The following KAZN variants were observed in gnomAD, a reference collection of about 807,000 sequenced individuals.
KAZN encodes the protein kazrin.
In KAZN, 40 loss-of-function variants were observed where a neutral mutation model predicts 87.4. The observed-to-expected ratio is 0.46, with a 90% CI of 0.36 to 0.60. The LOEUF is 0.60. Among genes scored for constraint, KAZN ranks in the 20% least tolerant of loss-of-function variants. The probability of loss-of-function intolerance (pLI) is 0.00; values close to 1 mark genes in which losing one functional copy is unlikely to be tolerated. For synonymous variants in KAZN, 466 were observed against 458.3 expected, an observed-to-expected ratio of 1.02 and a Z score of -0.22; for missense variants, 898 against 1,073.9, an observed-to-expected ratio of 0.84 and a Z score of 2.29.
chr1:15,018,144 T>C (rs1401685203), intron 2 of KAZN, among the ~76,000 whole-genome samples: 2 of 152,184 alleles, frequency 1.3e-5, no homozygotes, highest in Non-Finnish European at 2.9e-5. Context: ...AAGTCTAAAG[T>C]GTGTACGTCT....
intron 1 of KAZN, among the ~76,000 whole-genome samples, chr1:14,761,818 G>C (rs1644747066): frequency 6.6e-6 from 1 of 151,580 alleles, no homozygotes; most frequent in Admixed American, 6.6e-5. Context: ...GGTGCTGTCT[G>C]AACGTGGCAC....
chr1:14,558,942 T>G (rs895991750), intron 2 of KAZN, among the ~76,000 whole-genome samples: 3 of 152,154 alleles, frequency 2.0e-5, no homozygotes, highest in Non-Finnish European at 4.4e-5. Flanking sequence ...CATTTCACCT[T>G]TCTCATCTTT....
chr1:14,884,074 C>G (rs1159101807), intron 1 of KAZN, among the ~76,000 whole-genome samples: 1 of 152,134 alleles, frequency 6.6e-6, no homozygotes, highest in Non-Finnish European at 1.5e-5. Flanking sequence ...AACTACATCA[C>G]TCATCTAGGG....
intron 1 of KAZN, among the ~76,000 whole-genome samples, chr1:14,667,425 C>T (rs1028323874): frequency 1.3e-5 from 2 of 152,202 alleles, no homozygotes; most frequent in Non-Finnish European, 2.9e-5. Context: ...CTTGAGCACA[C>T]AGAAGTTGAG....
chr1:14,038,935 G>T (rs139063122), intron 1 of KAZN, among the ~76,000 whole-genome samples: 3 of 152,276 alleles, frequency 2.0e-5, no homozygotes, highest in African/African-American at 7.2e-5. Flanking sequence ...GGAGGCTGAG[G>T]CAGGTGGATC....
intron 1 of KAZN, among the ~76,000 whole-genome samples, chr1:14,144,661 T>G (rs1440717954): frequency 1.3e-5 from 2 of 152,198 alleles, no homozygotes; most frequent in Non-Finnish European, 2.9e-5. Flanking sequence ...AAGAGGTTAC[T>G]TGGCTTATGA....
chr1:13,942,321 A>G (rs1405081255), intron 1 of KAZN, among the ~76,000 whole-genome samples: 2 of 151,394 alleles, frequency 1.3e-5, no homozygotes, highest in African/African-American at 4.9e-5. Context: ...CGGGTGGATC[A>G]TGAGGTCAGG....
At chr1:14,412,095 T>C (rs992184536) in intron 2 of KAZN, among the ~76,000 whole-genome samples, 1 of 152,198 alleles carries the variant, frequency 6.6e-6, no homozygotes, top group Non-Finnish European at 1.5e-5. Flanking sequence ...ATGTTCATTC[T>C]CAGGGGGTCA....
intron 2 of KAZN, among the ~76,000 whole-genome samples, chr1:14,346,606 A>G (rs192627718): frequency 1.3e-3 from 204 of 152,226 alleles, no homozygotes; most frequent in African/African-American, 4.8e-3. Context: ...TCAGTAAGAT[A>G]TGACTTCCAG....
intron 3 of KAZN, among the ~76,000 whole-genome samples, chr1:15,040,879 G>A (rs1672820918): frequency 6.6e-6 from 1 of 151,970 alleles, no homozygotes; most frequent in African/African-American, 2.4e-5. Context: ...TCACGTGACT[G>A]CAGATGGAAG....
chr1:14,394,482 GTGA>G (rs1219319498), intron 2 of KAZN, among the ~76,000 whole-genome samples: 4 of 152,250 alleles, frequency 2.6e-5, no homozygotes, highest in Non-Finnish European at 4.4e-5. Context: ...GTAATAATAA[GTGA>G]TGGTATTTGG....
At chr1:14,530,104 G>A (rs1210919705) in intron 2 of KAZN, among the ~76,000 whole-genome samples, 3 of 152,202 alleles carry the variant, frequency 2.0e-5, no homozygotes, top group Admixed American at 6.5e-5. Flanking sequence ...GGGGAAGCCA[G>A]TGATCCTGAA....
At chr1:13,923,983 G>A (rs1306903448) in intron 1 of KAZN, among the ~76,000 whole-genome samples, 1 of 151,958 alleles carries the variant, frequency 6.6e-6, no homozygotes, top group African/African-American at 2.4e-5. Flanking sequence ...CCGTCGGGCA[G>A]AGTGGCCTTT....
intron 8 of KAZN, among the ~76,000 whole-genome samples, chr1:15,087,600 G>A (rs893333024): frequency 8.6e-5 from 13 of 152,008 alleles, no homozygotes; most frequent in Admixed American, 3.3e-4. Context: ...TCACCATGTC[G>A]GCCAGGGTGG....
chr1:14,343,547 T>C (rs1327939310), intron 2 of KAZN, among the ~76,000 whole-genome samples: 1 of 152,150 alleles, frequency 6.6e-6, no homozygotes, highest in Non-Finnish European at 1.5e-5. Flanking sequence ...TGTGGCACCA[T>C]GTGTGATGCT....
chr1:15,104,015 G>C lies in KAZN; in HGVS notation c.1882-8G>C. 1 of 1,612,232 alleles carries C rather than the reference G, an allele frequency of 6.2e-7. No individual in the cohort carries two copies. Among genetic ancestry groups the C allele is most frequent in the Non-Finnish European group, 8.5e-7 (1 of 1,178,952 alleles). ...GCAGGCTAACAAGTCCCCTGCCTTT[G>C]CCCCCAGGAGTACGCAGACAACCTG... On this transcript the variant is annotated splice_region_variant and splice_polypyrimidine_tract_variant and intron_variant, in intron 12 of 14. Coordinates refer to ENST00000376030, the MANE Select transcript of KAZN (RefSeq NM_201628.3).
intron 2 of KAZN, among the ~76,000 whole-genome samples, chr1:14,532,665 T>C (rs1471479275): frequency 1.6e-5 from 2 of 128,706 alleles, no homozygotes; most frequent in African/African-American, 6.1e-5. Flanking sequence ...TTCCCCTTCC[T>C]GTGTCCATGT....
At chr1:14,238,534 A>G (rs191665298) in intron 2 of KAZN, among the ~76,000 whole-genome samples, 1 of 152,254 alleles carries the variant, frequency 6.6e-6, no homozygotes, top group Non-Finnish European at 1.5e-5. Flanking sequence ...ACATACCAAC[A>G]TGTTAACAAA....
intron 2 of KAZN, among the ~76,000 whole-genome samples, chr1:14,416,882 G>A (rs917238760): frequency 1.3e-5 from 2 of 151,984 alleles, no homozygotes; most frequent in African/African-American, 4.8e-5. Context: ...TTGAGATCAG[G>A]AGTTTAAGAC....
Sources: allele counts gnomAD v4.1 joint callset (sites outside exome capture counted in the v4.1 genomes callset), GRCh38; gene constraint gnomAD v4.1.1; transcripts MANE v1.5; gene names NCBI Gene and HGNC (gene_info 2026-07-23, HGNC 2026-07-21).